The following CHAF1A variants were observed in gnomAD, a reference collection of about 807,000 sequenced individuals.
CHAF1A encodes chromatin assembly factor 1 subunit A.
CHAF1A carries 5 observed loss-of-function variants against 93.2 expected under a neutral mutation model. That is an observed-to-expected ratio of 0.05 (90% CI 0.03 to 0.11). CHAF1A has a LOEUF of 0.11. CHAF1A is among the 10% of genes least tolerant of loss of function. The pLI is 1.00. For synonymous variants in CHAF1A, 504 were observed against 510.3 expected, an observed-to-expected ratio of 0.99 and a Z score of 0.17; for missense variants, 1,102 against 1,259.9, an observed-to-expected ratio of 0.87 and a Z score of 1.90.
intron 6 of CHAF1A, 47 bp downstream of exon 6, chr19:4,423,442 G>T: frequency 6.2e-7 from 1 of 1,610,182 alleles, no homozygotes; most frequent in Non-Finnish European, 8.5e-7. Context: ...CGTTGGAGAA[G>T]CAGATGCCCA....
At chr19:4,428,990 T>G in intron 8 of CHAF1A, 100 bp downstream of exon 8, 2 of 958,566 alleles carry the variant, frequency 2.1e-6, no homozygotes, top group South Asian at 1.5e-5. Context: ...GTCCTTCTGT[T>G]GCTTGCTTCC....
chr19:4,449,241 C>T, downstream of CHAF1A: 1 of 152,634 alleles, frequency 6.6e-6, no homozygotes, highest in South Asian at 2.1e-4. Flanking sequence ...CCGCACCTCC[C>T]TGGGCTGCCC....
intron 1 of CHAF1A, among the ~76,000 whole-genome samples, chr19:4,405,313 G>A (rs553109099): frequency 6.2e-4 from 95 of 152,276 alleles, no homozygotes; most frequent in Non-Finnish European, 6.2e-4. Flanking sequence ...AGTGTCTAGG[G>A]TAGGATTTCT....
downstream of CHAF1A, chr19:4,445,879 T>G: frequency 8.5e-7 from 1 of 1,179,422 alleles, no homozygotes; most frequent in Non-Finnish European, 1.2e-6. Flanking sequence ...GTTATGAACT[T>G]GCTCGAGGCC....
chr19:4,442,139 G>T, intron 13 of CHAF1A, 106 bp from the exon 14 acceptor site: 2 of 840,230 alleles, frequency 2.4e-6, no homozygotes, highest in Non-Finnish European at 4.0e-6. Flanking sequence ...TTCCGTGTTG[G>T]GGGTGGGAGG....
chr19:4,442,816 G>A, intron 14 of CHAF1A, 109 bp from the exon 15 acceptor site: 1 of 757,512 alleles, frequency 1.3e-6, no homozygotes, highest in Non-Finnish European at 2.1e-6. Flanking sequence ...CAGGTGGAGG[G>A]TCCCGCCCTG....
At position 4,409,238 on chromosome 19, in the gene CHAF1A, A is replaced by G. The variant is rs1314225617; in HGVS notation, c.439A>G (p.Ile147Val). 24 of 1,614,084 alleles carry G rather than the reference A, an allele frequency of 1.5e-5. No homozygotes were observed. The highest frequency in any genetic ancestry group is 1.9e-5 in the Non-Finnish European group (23 of 1,180,046). Residue 147 changes from isoleucine (I) to valine (V), a missense_variant, in exon 3 of 15, where the codon ATA becomes GTA. Physicochemically the swap from Ile to Val is conservative, Grantham distance 29 (BLOSUM62 3). Around this residue, in one of 6 missense-constraint regions of CHAF1A, gnomAD observed 379 missense variants for 365.7 expected, o/e 1.04. Transcript: ENST00000301280. ...TGAAGCCTCTCCCTCCAGGGAGGCA[A>G]TAAATGGCCAGCGAGAAGACACTGG... is the stretch of plus-strand genomic sequence containing the variant. ...NSEASPSREA[I>V]NGQREDTGDQ...
At chr19:4,446,578 G>A (rs778305826), downstream of CHAF1A, 5 of 1,612,478 alleles carry the variant, frequency 3.1e-6, no homozygotes, top group African/African-American at 6.7e-5. Flanking sequence ...CGAGGCCAGG[G>A]GCGAGGGCTG....
At chr19:4,415,814 G>A (rs991332444) in intron 3 of CHAF1A, among the ~76,000 whole-genome samples, 5 of 152,118 alleles carry the variant, frequency 3.3e-5, no homozygotes, top group African/African-American at 1.2e-4. Context: ...GCTGTCTTGA[G>A]CTCATTCATC....
At chr19:4,409,967 A>C (rs1973763087) in intron 3 of CHAF1A, among the ~76,000 whole-genome samples, 1 of 152,166 alleles carries the variant, frequency 6.6e-6, no homozygotes, top group East Asian at 1.9e-4. Context: ...TTAATTCATC[A>C]ACAGTGTACC....
downstream of CHAF1A, chr19:4,446,040 G>A (rs923800379): frequency 1.1e-5 from 18 of 1,606,002 alleles, no homozygotes; most frequent in Middle Eastern, 1.7e-4. Context: ...CCTGCGGGCC[G>A]ACACTCACCA....
Position 4,412,754 on chromosome 19 carries a change from G to A in CHAF1A, c.960+2995G>A, listed in dbSNP as rs202223276. Among the ~76,000 whole-genome samples the A allele has an allele frequency of 4.6e-5, 7 of 152,318 alleles. No individual in the cohort carries two copies. In the East Asian group the frequency reaches 1.4e-3, roughly 29 times the overall value. ...GACGCTAGATCTTGTTCTGAACACA[G>A]ACTCGAGGTTTTGGGATGCACTTGA... On this transcript the variant is annotated intron_variant, in intron 3 of 14. Transcript: ENST00000301280.
chr19:4,445,345 C>T (rs1238447152), downstream of CHAF1A: 4 of 1,342,624 alleles, frequency 3.0e-6, no homozygotes, highest in Admixed American at 6.5e-5. Flanking sequence ...CCACGGGGCC[C>T]AATTCCACAG....
intron 13 of CHAF1A, among the ~76,000 whole-genome samples, chr19:4,436,020 T>C (rs1200293505): frequency 6.6e-6 from 1 of 151,984 alleles, no homozygotes; most frequent in Non-Finnish European, 1.5e-5. Flanking sequence ...GTGCCTGTAA[T>C]CTCAGCTACT....
Position 4,409,249 on chromosome 19 carries a change from G to T in CHAF1A, c.450G>T (p.Gln150His), listed in dbSNP as rs373856871. Residue 150 changes from glutamine (Q) to histidine (H), a missense_variant, in exon 3 of 15, where the codon CAG (glutamine) becomes CAT (histidine). Gln to His is a conservative substitution (Grantham distance 24). Around this residue, in one of 6 missense-constraint regions of CHAF1A, gnomAD observed 379 missense variants for 365.7 expected, o/e 1.04. Transcript: ENST00000301280. ...CCTCCAGGGAGGCAATAAATGGCCA[G>T]CGAGAAGACACTGGGGATCAGCAGG... ...ASPSREAING[Q>H]REDTGDQQGL... 3.7e-6 allele frequency: 6 copies of T among 1,614,060 alleles called. No individual in the cohort carries two copies. In the African/African-American group the frequency reaches 8.0e-5, roughly 22 times the overall value.
chr19:4,445,883 C>T (rs950488492), downstream of CHAF1A: 10 of 1,205,620 alleles, frequency 8.3e-6, no homozygotes, highest in African/African-American at 4.6e-5. Flanking sequence ...TGAACTTGCT[C>T]GAGGCCCTGC....
downstream of CHAF1A, among the ~76,000 whole-genome samples, chr19:4,443,622 G>T (rs529025181): frequency 6.4e-4 from 97 of 152,298 alleles, no homozygotes; most frequent in African/African-American, 2.3e-3. Context: ...GCCCTGGGTT[G>T]GGGGGTTAGG....
At chr19:4,419,843 G>A (rs1213355774) in intron 4 of CHAF1A, among the ~76,000 whole-genome samples, 1 of 152,206 alleles carries the variant, frequency 6.6e-6, no homozygotes, top group Non-Finnish European at 1.5e-5. Context: ...GTATCCAACG[G>A]CGGCTGAAGA....
Position 4,443,217 on chromosome 19 carries a change from A to G in CHAF1A, c.*192A>G. On this transcript the variant is annotated 3_prime_UTR_variant, in exon 15 of 15. Coordinates refer to ENST00000301280, the MANE Select transcript of CHAF1A (RefSeq NM_005483.3). ...AAATTCCCCCAAGAGCCGCATATGA[A>G]TCTGCCCTTTAATAAAGCATTATTG... The G allele has an allele frequency of 1.7e-6, 1 of 601,556 alleles. No homozygotes were observed. The allele number at this position is 601,556 out of a possible 1,614,324, so 37.3% of individuals were successfully genotyped here. A position where few individuals can be genotyped will look rare whatever the true frequency, so the allele number is the denominator to read the frequency against.
Sources: allele counts gnomAD v4.1 joint callset (sites outside exome capture counted in the v4.1 genomes callset), GRCh38; gene constraint gnomAD v4.1.1; regional missense constraint gnomAD v4.1.1; transcripts MANE v1.5; gene names NCBI Gene and HGNC (gene_info 2026-07-23, HGNC 2026-07-21).